Variants in ROBO2 observed in about 807,000 individuals in gnomAD.
The protein encoded by ROBO2 is roundabout guidance receptor 2.
In ROBO2, 53 loss-of-function variants were observed where a neutral mutation model predicts 160.8. The ratio of observed to expected loss-of-function variants is 0.33; its 90% CI spans 0.26 to 0.41. The LOEUF is 0.41. ROBO2 is among the 10% of genes least tolerant of loss of function. The probability of loss-of-function intolerance (pLI) is 1.00; values close to 1 mark genes in which losing one functional copy is unlikely to be tolerated. For synonymous variants in ROBO2, 664 were observed against 611.7 expected (o/e 1.09, Z -1.26); for missense variants, 1,577 against 1,722.4 (o/e 0.92, Z 1.49).
At chr3:76,422,808 A>G (rs2076048443) in intron 2 of ROBO2, among the ~76,000 whole-genome samples, 1 of 152,216 alleles carries the variant, frequency 6.6e-6, no homozygotes, top group South Asian at 2.1e-4. Context: ...AAAGTTCACA[A>G]AGTTAGTCCA....
intron 2 of ROBO2, among the ~76,000 whole-genome samples, chr3:76,928,722 C>G (rs566936447): frequency 6.6e-6 from 1 of 152,162 alleles, no homozygotes; most frequent in African/African-American, 2.4e-5. Context: ...CTCTATCAAC[C>G]ACTTCTTTCT....
chr3:77,075,462 G>A (rs1028555223), intron 1 of ROBO2, among the ~76,000 whole-genome samples: 20 of 152,042 alleles, frequency 1.3e-4, no homozygotes, highest in African/African-American at 3.1e-4. Flanking sequence ...GACTTGAAGC[G>A]GGGTAGGGTA....
At chr3:77,112,239 G>A (rs992986947) in intron 2 of ROBO2, among the ~76,000 whole-genome samples, 1 of 145,304 alleles carries the variant, frequency 6.9e-6, no homozygotes, top group Non-Finnish European at 1.5e-5. Flanking sequence ...AAGGAGTTTT[G>A]GGGGGTGGAG....
At chr3:77,244,309 CA>C (rs1225311821) in intron 2 of ROBO2, among the ~76,000 whole-genome samples, 2 of 152,018 alleles carry the variant, frequency 1.3e-5, no homozygotes, top group Non-Finnish European at 2.9e-5. Flanking sequence ...TGTAAGATAT[CA>C]GAAGGAGAAA....
intron 2 of ROBO2, among the ~76,000 whole-genome samples, chr3:77,216,252 TAC>T (rs1354478157): frequency 1.3e-5 from 2 of 152,128 alleles, no homozygotes; most frequent in Non-Finnish European, 2.9e-5. Flanking sequence ...CCGCTTTGTT[TAC>T]CTACTCAAGC....
At position 75,928,862 on chromosome 3, in the gene ROBO2, G is replaced by GT. The variant is rs1491108532; in HGVS notation, c.-13-8618dup. The stretch of plus-strand genomic sequence containing the variant: ...CATGAGATCTGCAGCTGGATAAGAC[G>GT]TGTGTGTGTGTGTGTGTGTGTGTGT... On this transcript the variant is annotated intron_variant, in intron 1 of 26. Coordinates refer to the ROBO2 transcript ENST00000487694. Among the ~76,000 whole-genome samples, 5 of 1,888 alleles carry GT rather than the reference G, an allele frequency of 2.6e-3. No individual in the cohort carries two copies. The East Asian group carries it at 0.049, about 19-fold the overall frequency. The allele number at this position is 1,888 out of a possible 152,430, so 1.2% of individuals were successfully genotyped here.
Position 77,151,215 on chromosome 3 carries a change from C to T in ROBO2, c.388+52875C>T, listed in dbSNP as rs1006725748. On this transcript the variant is annotated intron_variant, in intron 2 of 25. Coordinates refer to ENST00000461745, the Ensembl canonical transcript of ROBO2. ...TTGTTACTTCCTTTAATAATGTATC[C>T]TCCCCAAAATGGTATATGAGAACAT... Among the ~76,000 whole-genome samples the T allele has an allele frequency of 5.3e-5, 8 of 152,076 alleles. No individual in the cohort carries two copies. In the East Asian group the frequency reaches 1.4e-3, roughly 26 times the overall value.
At chr3:76,320,513 A>G (rs931808387) in intron 2 of ROBO2, among the ~76,000 whole-genome samples, 5 of 152,174 alleles carry the variant, frequency 3.3e-5, no homozygotes, top group African/African-American at 2.4e-5. Flanking sequence ...TCTGTCATGA[A>G]AAAAGTAGTT....
chr3:77,040,548 T>A (rs3923744), exon 1 of ROBO2: 2 of 1,396,196 alleles, frequency 1.4e-6, no homozygotes, highest in Non-Finnish European at 1.9e-6. Flanking sequence ...GAAGCCAGAG[T>A]GCTGGAAATA....
intron 2 of ROBO2, among the ~76,000 whole-genome samples, chr3:77,391,182 A>G (rs1260056449): frequency 1.3e-5 from 2 of 152,154 alleles, no homozygotes; most frequent in Non-Finnish European, 2.9e-5. Flanking sequence ...TTTAGAAAGG[A>G]AGAAGAAGAC....
intron 2 of ROBO2, among the ~76,000 whole-genome samples, chr3:76,805,849 C>T (rs1032583503): frequency 5.9e-5 from 9 of 152,024 alleles, no homozygotes; most frequent in African/African-American, 2.2e-4. Flanking sequence ...TAAAGTCCCC[C>T]TCTGTATTTC....
At chr3:76,919,251 T>G (rs1420436490) in intron 2 of ROBO2, among the ~76,000 whole-genome samples, 3 of 152,202 alleles carry the variant, frequency 2.0e-5, no homozygotes, top group African/African-American at 7.2e-5. Context: ...GGCAAATGTT[T>G]GATAGCAAAC....
chr3:77,564,120 AG>A (rs2093413585), intron 11 of ROBO2, among the ~76,000 whole-genome samples: 1 of 152,156 alleles, frequency 6.6e-6, no homozygotes, highest in Non-Finnish European at 1.5e-5. Context: ...TCATTATTTA[AG>A]GTAATGCTAG....
At chr3:77,286,499 G>A (rs913876499) in intron 2 of ROBO2, among the ~76,000 whole-genome samples, 1 of 152,012 alleles carries the variant, frequency 6.6e-6, no homozygotes, top group African/African-American at 2.4e-5. Flanking sequence ...CAAGTGATCC[G>A]ACCGCCTTGG....
At chr3:75,916,161 G>T (rs1946800748) in intron 1 of ROBO2, among the ~76,000 whole-genome samples, 1 of 152,168 alleles carries the variant, frequency 6.6e-6, no homozygotes, top group African/African-American at 2.4e-5. Flanking sequence ...TTTGGTAATG[G>T]TGATTGATGC....
chr3:77,315,918 A>G (rs2063943354), intron 2 of ROBO2, among the ~76,000 whole-genome samples: 1 of 152,116 alleles, frequency 6.6e-6, no homozygotes, highest in Admixed American at 6.6e-5. Flanking sequence ...ATTTTATTCA[A>G]GTTTCTGTAA....
intron 2 of ROBO2, among the ~76,000 whole-genome samples, chr3:77,426,453 C>T (rs1013796583): frequency 1.3e-5 from 2 of 151,592 alleles, no homozygotes; most frequent in South Asian, 2.1e-4. Context: ...AGAAATCAGG[C>T]GTGAGATTAA....
rs527401610 is a variant in ROBO2, at chr3:77,212,769, G to A, written c.388+114429G>A. Among the ~76,000 whole-genome samples the A allele has an allele frequency of 2.2e-4, 33 of 152,268 alleles. No individual in the cohort carries two copies. In the South Asian group the frequency reaches 6.8e-3, roughly 32 times the overall value. ...ATCCCATCAATACCTGATTTATTGA[G>A]AGTTTTTAGCATGAAGTGTTGTTGA... On this transcript the variant is annotated intron_variant, in intron 2 of 25. Coordinates refer to ENST00000461745, the Ensembl canonical transcript of ROBO2.
intron 2 of ROBO2, among the ~76,000 whole-genome samples, chr3:77,462,434 G>C (rs2082339360): frequency 6.6e-6 from 1 of 152,134 alleles, no homozygotes; most frequent in African/African-American, 2.4e-5. Flanking sequence ...TCAGGCTCAA[G>C]TTAAGGCCAT....
Sources: gnomAD v4.1 joint callset for allele counts (sites outside exome capture counted in the v4.1 genomes callset) on GRCh38, gnomAD v4.1.1 for gene constraint, MANE v1.5 for transcripts, NCBI Gene and HGNC (gene_info 2026-07-23, HGNC 2026-07-21) for gene names.